Variants in GBP2 observed in about 807,000 individuals in gnomAD.
GBP2 encodes the protein guanylate binding protein 2, also known as guanylate-binding protein 2.
Under a neutral mutation model 60.8 loss-of-function variants are expected in GBP2, and 54 were observed. The observed-to-expected ratio is 0.89, with a 90% CI of 0.71 to 1.11. GBP2 has a LOEUF of 1.11. Among genes scored for constraint, GBP2 ranks in the 50% most tolerant of loss-of-function variants. GBP2 has a pLI of 0.00. For synonymous variants in GBP2, 243 were observed against 256.5 expected, an observed-to-expected ratio of 0.95 and a Z score of 0.50; for missense variants, 665 against 703.3, an observed-to-expected ratio of 0.95 and a Z score of 0.62.
intron 8 of GBP2, among the ~76,000 whole-genome samples, chr1:89,111,247 C>T (rs1465769486): frequency 6.6e-6 from 1 of 152,100 alleles, no homozygotes; most frequent in Non-Finnish European, 1.5e-5. Flanking sequence ...ATCTGGAATA[C>T]AACAAATATG....
chr1:89,116,665 A>C (rs1681278856), intron 6 of GBP2, among the ~76,000 whole-genome samples: 1 of 152,132 alleles, frequency 6.6e-6, no homozygotes, highest in Admixed American at 6.6e-5. Flanking sequence ...ACTTACATAT[A>C]GTATTTGCTT....
Position 89,124,903 on chromosome 1 carries a change from T to C in GBP2, c.-18+960A>G, listed in dbSNP as rs373046360. On this transcript the variant is annotated intron_variant, in intron 1 of 10. Transcript: ENST00000370466. ...CAGTTTGCATATTGCTTTCAGTTATTTCAGGTAATGAAGCCAGCATCAGGA... is the reference window on the plus strand; with the variant it reads ...CAGTTTGCATATTGCTTTCAGTTATCTCAGGTAATGAAGCCAGCATCAGGA... 4.6e-4 allele frequency among the ~76,000 whole-genome samples: 70 copies of C among 152,346 alleles called. No homozygotes were observed. In the South Asian group the frequency reaches 0.014, roughly 32 times the overall value.
Position 89,114,232 on chromosome 1 carries a change from C to G in GBP2, c.933G>C (p.Glu311Asp). 1 of 1,614,240 alleles carries G rather than the reference C, an allele frequency of 6.2e-7. No individual in the cohort carries two copies. The highest frequency in any genetic ancestry group is 1.1e-5 in the South Asian group (1 of 91,088). ...TCTGGGCCAAGGCCAGGACTGCGTT[C>G]TCCATGCAGGGTAGATCCCCACTGC... The part of the protein sequence containing the change: ...AISSGDLPCM[E>D]NAVLALAQIE... Residue 311 changes from glutamate (E) to aspartate (D), a missense_variant, in exon 7 of 11, where the codon GAG becomes GAC. Coordinates refer to ENST00000370466, the MANE Select transcript of GBP2 (RefSeq NM_004120.5).
chr1:89,111,008 AAATC>A (rs1460227250), intron 8 of GBP2, among the ~76,000 whole-genome samples: 5 of 152,254 alleles, frequency 3.3e-5, no homozygotes, highest in Non-Finnish European at 7.3e-5. Flanking sequence ...CAACATATGC[AAATC>A]AATCAATGTG....
intron 6 of GBP2, among the ~76,000 whole-genome samples, chr1:89,115,457 A>T (rs1383296992): frequency 6.6e-6 from 1 of 152,220 alleles, no homozygotes; most frequent in East Asian, 1.9e-4. Context: ...AAATTCTTCA[A>T]GATCTTCTCT....
Position 89,117,118 on chromosome 1 carries a change from G to A in GBP2, c.742C>T (p.Leu248=). The A allele has an allele frequency of 6.2e-7, 1 of 1,614,148 alleles. No individual in the cohort carries two copies. Among genetic ancestry groups the A allele is most frequent in the South Asian group, 1.1e-5 (1 of 91,088 alleles). ...AGCTCTTCCTCCTTTAGCTGCTCTA[G>A]GTGAGCAAGGTACTTCTTAGGAGCG... The part of the protein sequence containing the change: ...WPAPKKYLAH[L]EQLKEEELNP... Residue 248 remains leucine, a synonymous_variant, in exon 6 of 11, where the codon CTA becomes TTA. Transcript: ENST00000370466.
intron 6 of GBP2, among the ~76,000 whole-genome samples, chr1:89,116,181 T>G (rs950990392): frequency 3.3e-5 from 5 of 151,998 alleles, no homozygotes; most frequent in Non-Finnish European, 7.4e-5. Context: ...CCTGATTAAT[T>G]TTTGTGTTTT....
chr1:89,114,189 C>T lies in GBP2; in HGVS notation c.976G>A (p.Val326Met). The T allele has an allele frequency of 6.2e-7, 1 of 1,614,248 alleles. No individual in the cohort carries two copies. Among genetic ancestry groups the T allele is most frequent in the Non-Finnish European group, 8.5e-7 (1 of 1,180,050 alleles). Residue 326 changes from valine to methionine, a missense_variant, in exon 7 of 11, where the codon GTG becomes ATG. Coordinates refer to ENST00000370466, the MANE Select transcript of GBP2 (RefSeq NM_004120.5). ...TCATAGTGGGCAATAGCCTTTTCCACTGCGGCTGAGTTCTCTATCTGGGCC... is the reference window on the plus strand; with the variant it reads ...TCATAGTGGGCAATAGCCTTTTCCATTGCGGCTGAGTTCTCTATCTGGGCC... ...ALAQIENSAAVEKAIAHYEQQ... is the reference protein window; with the variant it reads ...ALAQIENSAAMEKAIAHYEQQ...
chr1:89,108,877 G>A (rs1368553867), intron 10 of GBP2, among the ~76,000 whole-genome samples: 1 of 149,404 alleles, frequency 6.7e-6, no homozygotes, highest in Non-Finnish European at 1.5e-5. Flanking sequence ...TGCTTAAGTG[G>A]GTAGATGGTT....
At chr1:89,113,624 T>G (rs1681208239) in intron 7 of GBP2, among the ~76,000 whole-genome samples, 1 of 152,172 alleles carries the variant, frequency 6.6e-6, no homozygotes, top group South Asian at 2.1e-4. Flanking sequence ...CTTCTGAATA[T>G]TTTACCATTG....
intron 4 of GBP2, 35 bp from the exon 5 acceptor site, chr1:89,117,808 C>A: frequency 6.5e-7 from 1 of 1,533,410 alleles, no homozygotes; most frequent in Admixed American, 2.0e-5. Context: ...ACAGAAAATG[C>A]CACTCTTTAT....
intron 4 of GBP2, chr1:89,118,452 T>C (rs546521053): frequency 6.6e-6 from 1 of 152,336 alleles, no homozygotes; most frequent in Non-Finnish European, 1.5e-5. Flanking sequence ...GGTTGGGATA[T>C]GCAAGCTCTG....
At position 89,112,694 on chromosome 1, in the gene GBP2, G is replaced by C. The variant is rs1329110783; in HGVS notation, c.1150-10C>G. On this transcript the variant is annotated splice_polypyrimidine_tract_variant and intron_variant, in intron 7 of 10. Coordinates refer to ENST00000370466, the MANE Select transcript of GBP2 (RefSeq NM_004120.5). ...TTGCTTCCAACTGGGCCTGTGAAGT[G>C]ACAAAACAGCACAGATGTTTCAGTA... The C allele has an allele frequency of 7.1e-5, 114 of 1,602,490 alleles. No individual in the cohort carries two copies. Among genetic ancestry groups the C allele is most frequent in the Non-Finnish European group, 9.5e-5 (111 of 1,169,548 alleles).
At chr1:89,117,920 A>T in intron 4 of GBP2, 147 bp from the exon 5 acceptor site, 1 of 688,334 alleles carries the variant, frequency 1.5e-6, no homozygotes, top group East Asian at 2.8e-5. Context: ...TTCACTCACA[A>T]ACATTTATTG....
At chr1:89,115,587 C>A (rs564368627) in intron 6 of GBP2, among the ~76,000 whole-genome samples, 18 of 152,016 alleles carry the variant, frequency 1.2e-4, no homozygotes, top group Non-Finnish European at 2.6e-4. Flanking sequence ...TTCCAATCGC[C>A]TGTCTTTCTT....
intron 1 of GBP2, among the ~76,000 whole-genome samples, chr1:89,124,402 A>T (rs1262573356): frequency 6.6e-6 from 1 of 152,046 alleles, no homozygotes; most frequent in Non-Finnish European, 1.5e-5. Context: ...TTTTCTAGAT[A>T]TGTCACATTT....
rs868380613 is a variant in GBP2 at position 89,117,192 on chromosome 1, C to T, written c.668G>A (p.Cys223Tyr). The T allele has an allele frequency of 6.2e-7, 1 of 1,613,912 alleles. No homozygotes were observed. The highest frequency in any genetic ancestry group is 8.5e-7 in the Non-Finnish European group (1 of 1,179,786). Residue 223 changes from cysteine to tyrosine, a missense_variant, in exon 6 of 11, where the codon TGC becomes TAC. Coordinates refer to ENST00000370466, the MANE Select transcript of GBP2 (RefSeq NM_004120.5). ...CCTCTTGGGGAAGAACTTTCGGATG[C>T]ACAACCGAGGATCATTAAAGCTTTT... ...KSKSFNDPRL[C>Y]IRKFFPKRKC...
chr1:89,119,190 G>A (rs1681344308), intron 4 of GBP2: 1 of 152,186 alleles, frequency 6.6e-6, no homozygotes, highest in Non-Finnish European at 1.5e-5. Flanking sequence ...ATTAGGAAAT[G>A]TGGTATTCTA....
chr1:89,123,715 T>C (rs1025217628), intron 1 of GBP2, among the ~76,000 whole-genome samples: 1 of 152,248 alleles, frequency 6.6e-6, no homozygotes, highest in African/African-American at 2.4e-5. Context: ...ATTTGTAATA[T>C]AGTTAGGTTC....
Sources: gnomAD v4.1 joint callset for allele counts (sites outside exome capture counted in the v4.1 genomes callset) on GRCh38, gnomAD v4.1.1 for gene constraint, MANE v1.5 for transcripts, NCBI Gene and HGNC (gene_info 2026-07-23, HGNC 2026-07-21) for gene names.